The following ROBO2 variants were observed in gnomAD, a reference collection of about 807,000 sequenced individuals.
ROBO2 encodes roundabout homolog 2.
Under a neutral mutation model 160.8 loss-of-function variants are expected in ROBO2, and 53 were observed. The observed-to-expected ratio is 0.33, with a 90% CI of 0.26 to 0.41. The LOEUF (loss-of-function observed/expected upper bound fraction) is 0.41, where lower values mean the gene tolerates loss of function less well. Ranked by LOEUF, ROBO2 falls within the 10% of genes least tolerant of loss-of-function variation. ROBO2 has a pLI of 1.00. For missense variants in ROBO2, 1,577 were observed against 1,722.4 expected, an observed-to-expected ratio of 0.92 and a Z score of 1.49; for synonymous variants, 664 against 611.7, an observed-to-expected ratio of 1.09 and a Z score of -1.26.
chr3:76,931,548 A>AACACACAC (rs762700377), intron 2 of ROBO2, among the ~76,000 whole-genome samples: 2 of 93,660 alleles, frequency 2.1e-5, no homozygotes, highest in Admixed American at 1.0e-4. Flanking sequence ...TGTGCTTTAT[A>AACACACAC]AGACACATAC....
rs377353246 is a variant in ROBO2 at position 77,454,663 on chromosome 3, A to C, written c.389-22751A>C. On this transcript the variant is annotated intron_variant, in intron 2 of 25. Transcript: ENST00000461745. The stretch of plus-strand genomic sequence containing the variant: ...GGCATTTTGAAAGGTGTTTCCTTTG[A>C]ATATTTTTTTCACATCTAGTTCATA... Among the ~76,000 whole-genome samples the C allele has an allele frequency of 3.9e-5, 6 of 152,096 alleles. No individual in the cohort carries two copies. The East Asian group carries it at 5.8e-4, about 15-fold the overall frequency.
chr3:76,325,332 A>C (rs2072921821), intron 2 of ROBO2, among the ~76,000 whole-genome samples: 1 of 152,354 alleles, frequency 6.6e-6, no homozygotes, highest in Non-Finnish European at 1.5e-5. Flanking sequence ...CAGTAGATTA[A>C]ACTAAGTTTA....
chr3:77,344,439 C>T (rs1258964027), intron 2 of ROBO2, among the ~76,000 whole-genome samples: 3 of 152,074 alleles, frequency 2.0e-5, no homozygotes, highest in Non-Finnish European at 4.4e-5. Context: ...GCCATGAGGG[C>T]AGAGCCCTCA....
At chr3:76,541,782 G>C (rs1342606254) in intron 2 of ROBO2, among the ~76,000 whole-genome samples, 1 of 152,134 alleles carries the variant, frequency 6.6e-6, no homozygotes, top group Non-Finnish European at 1.5e-5. Context: ...ACGTGACCTA[G>C]GTTTTGATTT....
chr3:76,116,706 A>G (rs940192705), intron 2 of ROBO2, among the ~76,000 whole-genome samples: 6 of 152,290 alleles, frequency 3.9e-5, no homozygotes, highest in Admixed American at 3.3e-4. Context: ...ATTTGATGCT[A>G]CAGACATTTG....
chr3:77,209,887 A>G (rs1014220998), intron 2 of ROBO2, among the ~76,000 whole-genome samples: 1 of 152,148 alleles, frequency 6.6e-6, no homozygotes, highest in African/African-American at 2.4e-5. Context: ...CTGGACAGAG[A>G]TTTGTAAAAA....
intron 2 of ROBO2, among the ~76,000 whole-genome samples, chr3:76,334,450 G>C (rs945697914): frequency 2.6e-5 from 4 of 152,112 alleles, no homozygotes; most frequent in Non-Finnish European, 5.9e-5. Flanking sequence ...TTTAAACTGA[G>C]CACCCAGTGA....
intron 2 of ROBO2, among the ~76,000 whole-genome samples, chr3:76,254,212 A>G (rs931696741): frequency 2.0e-5 from 3 of 152,064 alleles, no homozygotes; most frequent in African/African-American, 7.2e-5. Flanking sequence ...TTGATTTAGT[A>G]TTTCTAAATA....
At chr3:77,371,023 G>A (rs573050820) in intron 2 of ROBO2, among the ~76,000 whole-genome samples, 25 of 152,268 alleles carry the variant, frequency 1.6e-4, no homozygotes, top group African/African-American at 5.8e-4. Context: ...GTGCATCCTG[G>A]AAAAAGAGCG....
chr3:77,633,546 C>G (rs1369268857), intron 23 of ROBO2: 3 of 152,050 alleles, frequency 2.0e-5, no homozygotes, highest in Non-Finnish European at 4.4e-5. Context: ...ACATTAAGTA[C>G]ATTTGCAAAA....
At chr3:77,215,634 C>A (rs1204968956) in intron 2 of ROBO2, among the ~76,000 whole-genome samples, 2 of 152,142 alleles carry the variant, frequency 1.3e-5, no homozygotes, top group Non-Finnish European at 2.9e-5. Context: ...AGCTGCGTTC[C>A]TTTGGAGGAG....
intron 2 of ROBO2, among the ~76,000 whole-genome samples, chr3:76,270,307 CT>C (rs982542958): frequency 1.3e-5 from 2 of 151,918 alleles, no homozygotes; most frequent in South Asian, 4.2e-4. Context: ...CTCTTCATTT[CT>C]TTTTTTTATT....
chr3:75,970,646 C>T (rs1448610526), intron 2 of ROBO2, among the ~76,000 whole-genome samples: 5 of 151,500 alleles, frequency 3.3e-5, no homozygotes, highest in Non-Finnish European at 5.9e-5. Flanking sequence ...ACTATAATGT[C>T]TTTATTAAAT....
intron 2 of ROBO2, among the ~76,000 whole-genome samples, chr3:77,006,196 A>T (rs2061568145): frequency 6.6e-6 from 1 of 152,098 alleles, no homozygotes; most frequent in Non-Finnish European, 1.5e-5. Flanking sequence ...TTTAAGACTC[A>T]GGCATTATCC....
In ROBO2 at chr3:77,071,641, G is replaced by C. The variant is rs563896165; in HGVS notation, c.62-26373G>C. On this transcript the variant is annotated intron_variant, in intron 1 of 25. Coordinates refer to ENST00000461745, the Ensembl canonical transcript of ROBO2. The stretch of plus-strand genomic sequence containing the variant: ...GCCTGTTCTGCAGAATCCATTTGAG[G>C]GGAAGGCTGGAGTTGGTTGTGTGTG... Among the ~76,000 whole-genome samples the C allele has an allele frequency of 2.6e-5, 4 of 152,230 alleles. 1 individual carries two copies. The highest frequency in any genetic ancestry group is 2.0e-4 in the Admixed American group (3 of 15,284).
At chr3:76,765,042 T>G (rs2061502203) in intron 2 of ROBO2, among the ~76,000 whole-genome samples, 2 of 151,834 alleles carry the variant, frequency 1.3e-5, no homozygotes, top group South Asian at 4.1e-4. Context: ...AGGTAATTTT[T>G]CAACCCTCAT....
At chr3:76,338,758 A>T (rs142266654) in intron 2 of ROBO2, among the ~76,000 whole-genome samples, 178 of 150,498 alleles carry the variant, frequency 1.2e-3, no homozygotes, top group Middle Eastern at 3.6e-3. Flanking sequence ...TATTTTTATT[A>T]ATCAAATTTA....
At chr3:76,965,075 T>C (rs1201581737) in intron 2 of ROBO2, among the ~76,000 whole-genome samples, 1 of 152,232 alleles carries the variant, frequency 6.6e-6, no homozygotes, top group Non-Finnish European at 1.5e-5. Flanking sequence ...TACAAGTAGA[T>C]ACAAGAGTAG....
At chr3:75,990,207 T>A (rs1261870742) in intron 2 of ROBO2, among the ~76,000 whole-genome samples, 1 of 152,228 alleles carries the variant, frequency 6.6e-6, no homozygotes, top group African/African-American at 2.4e-5. Flanking sequence ...CTTTTAAAAA[T>A]TAAACAAGCT....
Sources: gnomAD v4.1 joint callset for allele counts (sites outside exome capture counted in the v4.1 genomes callset) on GRCh38, gnomAD v4.1.1 for gene constraint, MANE v1.5 for transcripts, NCBI Gene and HGNC (gene_info 2026-07-23, HGNC 2026-07-21) for gene names.